Variants in DGKH observed in about 807,000 individuals in gnomAD.
The protein encoded by DGKH is DAG kinase eta.
A neutral mutation model predicts 159.3 loss-of-function variants in DGKH; 90 were observed. That is an observed-to-expected ratio of 0.57 (90% CI 0.48 to 0.67). The LOEUF is 0.67. DGKH is among the 30% of genes least tolerant of loss of function. The probability of loss-of-function intolerance (pLI) is 0.00; values close to 1 mark genes in which losing one functional copy is unlikely to be tolerated. For missense variants in DGKH, 1,181 were observed against 1,506.1 expected (o/e 0.78, Z 3.57); for synonymous variants, 536 against 553.8 (o/e 0.97, Z 0.45).
At chr13:42,256,425 C>A in exon 31 of DGKH, 1 of 1,572,500 alleles carries the variant, frequency 6.4e-7, no homozygotes, top group South Asian at 1.1e-5. Flanking sequence ...GCTAAGACAG[C>A]ACACAAAAAT....
intron 30 of DGKH, among the ~76,000 whole-genome samples, chr13:42,254,014 A>G (rs557441438): frequency 6.6e-6 from 1 of 151,806 alleles, no homozygotes; most frequent in African/African-American, 2.4e-5. Flanking sequence ...AAAAAAGTAT[A>G]TTAATTGCTT....
At position 42,234,495 on chromosome 13, in the gene DGKH, T is replaced by A. The variant is rs1958375452; in HGVS notation, c.*5307T>A. On this transcript the variant is annotated 3_prime_UTR_variant, in exon 30 of 30. Coordinates refer to ENST00000337343, the MANE Select transcript of DGKH (RefSeq NM_178009.5). Reference sequence around the variant, plus strand: ...TTAATTAAGCTGTAAAAACAATGCATCTCTCAACCTTGACATTTAGGATCT... The same window carrying A: ...TTAATTAAGCTGTAAAAACAATGCAACTCTCAACCTTGACATTTAGGATCT... 1 of 152,220 alleles carries A rather than the reference T, an allele frequency of 6.6e-6. No homozygotes were observed. Among genetic ancestry groups the A allele is most frequent in the South Asian group, 2.1e-4 (1 of 4,832 alleles). The allele number at this position is 152,220 out of a possible 1,614,324, so 9.4% of individuals were successfully genotyped here. A position where few individuals can be genotyped will look rare whatever the true frequency, so the allele number is the denominator to read the frequency against.
chr13:42,096,834 G>T (rs965576544), intron 1 of DGKH, among the ~76,000 whole-genome samples: 1 of 152,126 alleles, frequency 6.6e-6, no homozygotes, highest in Non-Finnish European at 1.5e-5. Context: ...GATTATTCAG[G>T]GACCAATGAG....
At chr13:42,045,632 T>TGTTCTTAA (rs1442108935), upstream of DGKH, among the ~76,000 whole-genome samples, 1 of 152,228 alleles carries the variant, frequency 6.6e-6, no homozygotes, top group Admixed American at 6.5e-5. Flanking sequence ...GCAAATAGCG[T>TGTTCTTAA]GTTCTTAAGT....
chr13:42,110,948 C>T (rs1473179669), intron 1 of DGKH, among the ~76,000 whole-genome samples: 1 of 152,072 alleles, frequency 6.6e-6, no homozygotes, highest in Non-Finnish European at 1.5e-5. Flanking sequence ...CTAATACCTG[C>T]TGGGCTTAAC....
chr13:42,188,138 C>T (rs1191800247), intron 14 of DGKH, among the ~76,000 whole-genome samples: 8 of 152,160 alleles, frequency 5.3e-5, no homozygotes, highest in Non-Finnish European at 1.0e-4. Flanking sequence ...TGGAGAGTTT[C>T]AGAAAATAGA....
chr13:42,087,335 A>G (rs1252428521), intron 1 of DGKH, among the ~76,000 whole-genome samples: 2 of 152,194 alleles, frequency 1.3e-5, no homozygotes, highest in African/African-American at 2.4e-5. Flanking sequence ...GACAATATTT[A>G]AAGGAATACA....
intron 3 of DGKH, among the ~76,000 whole-genome samples, chr13:42,154,289 G>T (rs1955986685): frequency 6.6e-6 from 1 of 152,174 alleles, no homozygotes; most frequent in African/African-American, 2.4e-5. Flanking sequence ...ATAGTTTCCA[G>T]GTAGGAATGC....
rs2137862773 is a variant in DGKH at position 42,135,317 on chromosome 13, G to C, written c.384+5685G>C. Among the ~76,000 whole-genome samples the C allele has an allele frequency of 1.3e-5, 2 of 151,624 alleles. 1 individual carries two copies. Among genetic ancestry groups the C allele is most frequent in the East Asian group, 3.9e-4 (2 of 5,152 alleles). On this transcript the variant is annotated intron_variant, in intron 3 of 29. Coordinates refer to ENST00000337343, the MANE Select transcript of DGKH (RefSeq NM_178009.5). The stretch of plus-strand genomic sequence containing the variant: ...AGTTTAAGACCAGCCTGGGCAAAAT[G>C]GCGAAACCCCATCTCTACAAAAAAT...
chr13:42,123,211 A>G (rs1394614012), intron 1 of DGKH, among the ~76,000 whole-genome samples: 1 of 152,190 alleles, frequency 6.6e-6, no homozygotes, highest in African/African-American at 2.4e-5. Context: ...TATACATTTT[A>G]TGATGTTCCT....
intron 13 of DGKH, among the ~76,000 whole-genome samples, chr13:42,183,286 C>CTT (rs1457714372): frequency 1.5e-5 from 2 of 136,024 alleles, no homozygotes; most frequent in African/African-American, 5.1e-5. Context: ...GAGATCCCGT[C>CTT]TTAAAAAAAA....
intron 1 of DGKH, chr13:42,070,036 T>A: frequency 1.1e-6 from 1 of 901,880 alleles, no homozygotes. Context: ...TTCCCAGTTA[T>A]AAATGTGACT....
chr13:42,248,477 A>T (rs1439150659), intron 29 of DGKH, among the ~76,000 whole-genome samples: 1 of 147,116 alleles, frequency 6.8e-6, no homozygotes, highest in Non-Finnish European at 1.5e-5. Context: ...TATAATTTAT[A>T]TATAATATTA....
At chr13:42,167,354 G>T (rs1956338657) in intron 9 of DGKH, among the ~76,000 whole-genome samples, 1 of 152,122 alleles carries the variant, frequency 6.6e-6, no homozygotes, top group Non-Finnish European at 1.5e-5. Context: ...CTTTTCTCTT[G>T]GGTTCCACCA....
downstream of DGKH, among the ~76,000 whole-genome samples, chr13:42,243,974 G>A (rs1958555838): frequency 6.6e-6 from 1 of 152,178 alleles, no homozygotes; most frequent in Non-Finnish European, 1.5e-5. Flanking sequence ...CAGTTTTAGT[G>A]GAAATGGAAA....
At chr13:42,201,007 T>A (rs1026297679) in intron 20 of DGKH, among the ~76,000 whole-genome samples, 8 of 116,940 alleles carry the variant, frequency 6.8e-5, no homozygotes, top group East Asian at 6.7e-4. Context: ...TTATTTATTT[T>A]TTTGAGATGG....
chr13:42,162,173 T>C (rs1294733236), intron 7 of DGKH, among the ~76,000 whole-genome samples: 1 of 152,228 alleles, frequency 6.6e-6, no homozygotes, highest in Non-Finnish European at 1.5e-5. Flanking sequence ...TTGCACTTCC[T>C]ATACACAACC....
chr13:42,182,334 T>G (rs1956786668), intron 13 of DGKH, among the ~76,000 whole-genome samples: 1 of 152,238 alleles, frequency 6.6e-6, no homozygotes, highest in African/African-American at 2.4e-5. Context: ...GCTTCCTACT[T>G]TATTTTGCTA....
rs1593964735 is a variant in DGKH at position 42,060,131 on chromosome 13, C to T, written c.192+11166C>T. 2.0e-5 allele frequency among the ~76,000 whole-genome samples: 3 copies of T among 150,614 alleles called. No individual in the cohort carries two copies. The Admixed American group carries it at 2.0e-4, about 10-fold the overall frequency. ...GTGTTGGCCAGGCTGGTCTCGAACT[C>T]CTGACCTCAGGTGATCCACCGGCCT... On this transcript the variant is annotated intron_variant, in intron 1 of 29. Coordinates refer to ENST00000337343, the MANE Select transcript of DGKH (RefSeq NM_178009.5).
Sources: allele counts gnomAD v4.1 joint callset (sites outside exome capture counted in the v4.1 genomes callset), GRCh38; gene constraint gnomAD v4.1.1; transcripts MANE v1.5; gene names NCBI Gene and HGNC (gene_info 2026-07-23, HGNC 2026-07-21).